The following FAM13A variants were observed in gnomAD, a reference collection of about 807,000 sequenced individuals.
FAM13A encodes protein FAM13A.
FAM13A carries 76 observed loss-of-function variants against 129.6 expected under a neutral mutation model. The ratio of observed to expected loss-of-function variants is 0.59; its 90% CI spans 0.49 to 0.71. The LOEUF (loss-of-function observed/expected upper bound fraction) is 0.71, where lower values mean the gene tolerates loss of function less well. FAM13A is among the 30% of genes least tolerant of loss of function. The pLI is 0.00. For missense variants in FAM13A, 1,108 were observed against 1,249.3 expected, an observed-to-expected ratio of 0.89 and a Z score of 1.70; for synonymous variants, 443 against 449.9, an observed-to-expected ratio of 0.98 and a Z score of 0.20.
At chr4:88,875,882 A>G (rs867415355) in intron 6 of FAM13A, among the ~76,000 whole-genome samples, 2 of 152,176 alleles carry the variant, frequency 1.3e-5, no homozygotes, top group African/African-American at 2.4e-5. Context: ...CAAAGACTTG[A>G]AACCAACCCA....
chr4:88,799,892 G>A (rs115338997), intron 8 of FAM13A, among the ~76,000 whole-genome samples: 267 of 152,244 alleles, frequency 1.8e-3, no homozygotes, highest in African/African-American at 6.2e-3. Context: ...CCCAAAAGAT[G>A]GAAGCAACCT....
At chr4:88,748,450 AT>A (rs1408221351) in intron 17 of FAM13A, among the ~76,000 whole-genome samples, 1 of 152,180 alleles carries the variant, frequency 6.6e-6, no homozygotes, top group Non-Finnish European at 1.5e-5. Flanking sequence ...GGTTAAAGGT[AT>A]TTAGTGATCT....
At chr4:88,753,199 A>C (rs1192727323) in intron 14 of FAM13A, among the ~76,000 whole-genome samples, 1 of 152,234 alleles carries the variant, frequency 6.6e-6, no homozygotes, top group African/African-American at 2.4e-5. Flanking sequence ...TGTGTATACA[A>C]ATTTTTACTT....
intron 4 of FAM13A, among the ~76,000 whole-genome samples, chr4:88,948,957 C>T (rs1756443771): frequency 6.6e-6 from 1 of 152,228 alleles, no homozygotes; most frequent in Non-Finnish European, 1.5e-5. Flanking sequence ...CCTGATCTCT[C>T]TTGAGAATCA....
intron 4 of FAM13A, among the ~76,000 whole-genome samples, chr4:88,955,715 G>A (rs959698523): frequency 1.3e-5 from 2 of 152,178 alleles, no homozygotes; most frequent in East Asian, 3.9e-4. Flanking sequence ...GGAATTTTGG[G>A]GGAAGTGGGA....
At chr4:88,855,554 G>T (rs570186951) in intron 6 of FAM13A, 4 of 151,924 alleles carry the variant, frequency 2.6e-5, no homozygotes, top group Non-Finnish European at 4.4e-5. Context: ...AAAAGCAAAA[G>T]GAGGTAGATA....
intron 6 of FAM13A, among the ~76,000 whole-genome samples, chr4:88,872,003 C>T (rs575774926): frequency 1.3e-4 from 20 of 152,162 alleles, no homozygotes; most frequent in East Asian, 3.9e-4. Flanking sequence ...ACATTCTTAA[C>T]GAAAAGAATT....
intron 6 of FAM13A, among the ~76,000 whole-genome samples, chr4:88,894,189 T>A (rs144556462): frequency 5.2e-4 from 79 of 152,356 alleles, no homozygotes; most frequent in African/African-American, 1.5e-3. Context: ...AAGATGCACA[T>A]GCTTACGATC....
intron 7 of FAM13A, among the ~76,000 whole-genome samples, chr4:88,828,438 A>G (rs973457931): frequency 8.5e-5 from 13 of 152,230 alleles, no homozygotes; most frequent in African/African-American, 3.1e-4. Flanking sequence ...ATGTTTGGCC[A>G]AAGAAATCTC....
At chr4:88,996,127 G>C (rs1433901820) in intron 3 of FAM13A, among the ~76,000 whole-genome samples, 1 of 152,198 alleles carries the variant, frequency 6.6e-6, no homozygotes, top group Non-Finnish European at 1.5e-5. Context: ...TGGTGGGTGG[G>C]GTGAGTAGCA....
intron 6 of FAM13A, among the ~76,000 whole-genome samples, chr4:88,860,494 T>A (rs1290043116): frequency 6.6e-6 from 1 of 152,162 alleles, no homozygotes; most frequent in Non-Finnish European, 1.5e-5. Context: ...TATCCACAAG[T>A]GAAGGTACAT....
At chr4:88,743,853 C>A (rs1453667874) in intron 19 of FAM13A, among the ~76,000 whole-genome samples, 1 of 152,148 alleles carries the variant, frequency 6.6e-6, no homozygotes, top group Admixed American at 6.5e-5. Flanking sequence ...CATAGACAAA[C>A]TATGCGGCCT....
At chr4:88,810,335 C>A (rs1039917513) in intron 7 of FAM13A, among the ~76,000 whole-genome samples, 1 of 151,952 alleles carries the variant, frequency 6.6e-6, no homozygotes, top group African/African-American at 2.4e-5. Flanking sequence ...AACCATAATC[C>A]CTCATACTTT....
At chr4:89,032,876 C>T (rs13140085) in intron 1 of FAM13A, among the ~76,000 whole-genome samples, 52,411 of 152,018 alleles carry the variant, frequency 0.34, 9,601 homozygotes, top group Middle Eastern at 0.47. Flanking sequence ...ATCCCTTCTC[C>T]GGGAAACCAC....
chr4:88,752,581 T>C (rs1306658257), intron 14 of FAM13A, among the ~76,000 whole-genome samples: 1 of 152,188 alleles, frequency 6.6e-6, no homozygotes, highest in Non-Finnish European at 1.5e-5. Context: ...GAGGACATGC[T>C]GGTAGATGTG....
chr4:89,011,291 G>A (rs1452082117), intron 3 of FAM13A, among the ~76,000 whole-genome samples: 1 of 152,140 alleles, frequency 6.6e-6, no homozygotes, highest in African/African-American at 2.4e-5. Flanking sequence ...AGTGGTGATG[G>A]TTGCACAACA....
At chr4:88,886,795 T>C (rs1481368596) in intron 6 of FAM13A, among the ~76,000 whole-genome samples, 2 of 151,480 alleles carry the variant, frequency 1.3e-5, no homozygotes, top group Non-Finnish European at 2.9e-5. Context: ...TAATCCCAGC[T>C]ATTCGGGAGG....
chr4:88,893,642 G>GAATGAATGAATGAATA (rs1352073900), intron 6 of FAM13A, among the ~76,000 whole-genome samples: 2 of 126,188 alleles, frequency 1.6e-5, no homozygotes, highest in African/African-American at 6.1e-5. Context: ...ATGAATGAAT[G>GAATGAATGAATGAATA]AATAAATAAA....
chr4:88,933,358 TC>T (rs1407721582), intron 5 of FAM13A, among the ~76,000 whole-genome samples: 1 of 152,078 alleles, frequency 6.6e-6, no homozygotes, highest in Non-Finnish European at 1.5e-5. Flanking sequence ...TAGACTACTG[TC>T]CCCCTCAATA....
Sources: gnomAD v4.1 joint callset for allele counts (sites outside exome capture counted in the v4.1 genomes callset) on GRCh38, gnomAD v4.1.1 for gene constraint, MANE v1.5 for transcripts, NCBI Gene and HGNC (gene_info 2026-07-23, HGNC 2026-07-21) for gene names.